The following PRR16 variants were observed in gnomAD, a reference collection of about 807,000 sequenced individuals.
PRR16 encodes the protein proline rich 16.
In PRR16, 6 loss-of-function variants were observed where a neutral mutation model predicts 18.2. The ratio of observed to expected loss-of-function variants is 0.33; its 90% CI spans 0.18 to 0.65. The LOEUF (loss-of-function observed/expected upper bound fraction) is 0.65, where lower values mean the gene tolerates loss of function less well. PRR16 is among the 30% of genes least tolerant of loss of function. The probability of loss-of-function intolerance (pLI) is 0.74; values close to 1 mark genes in which losing one functional copy is unlikely to be tolerated. For synonymous variants in PRR16, 151 were observed against 147.8 expected (o/e 1.02, Z -0.16); for missense variants, 412 against 376.6 (o/e 1.09, Z -0.78).
chr5:120,781,005 G>A, the PRR16 span, among the ~76,000 whole-genome samples: 1,958 of 152,222 alleles, frequency 0.013, 41 homozygotes, highest in African/African-American at 0.043. Context: ...AGCCGAGATC[G>A]CGCCACTGCC....
intron 1 of PRR16, among the ~76,000 whole-genome samples, chr5:120,493,353 C>A (rs74721707): frequency 0.017 from 2,608 of 152,102 alleles, 78 homozygotes; most frequent in African/African-American, 0.059. Context: ...TATTTGTAAT[C>A]TTTTTTTGAG....
chr5:120,663,510 A>G (rs1477556916), intron 1 of PRR16, among the ~76,000 whole-genome samples: 2 of 152,312 alleles, frequency 1.3e-5, no homozygotes, highest in East Asian at 3.9e-4. Flanking sequence ...CACACCGTCT[A>G]CTTTAATTAT....
At chr5:120,750,335 A>G in the PRR16 span, among the ~76,000 whole-genome samples, 2 of 152,136 alleles carry the variant, frequency 1.3e-5, no homozygotes, top group African/African-American at 4.8e-5. Context: ...TACCCCGTCA[A>G]CATATTGGAT....
chr5:120,464,328 C>T lies in PRR16; in HGVS notation c.-159C>T. On this transcript the variant is annotated 5_prime_UTR_variant, in exon 1 of 2. Transcript: ENST00000407149. ...TGATGGCAGCACCACTGTGCGGCCGCCCGGCCGAGCGCGGAGCGCAGCCAC... is the reference window on the plus strand; with the variant it reads ...TGATGGCAGCACCACTGTGCGGCCGTCCGGCCGAGCGCGGAGCGCAGCCAC... The T allele has an allele frequency of 1.4e-6, 1 of 732,304 alleles. No homozygotes were observed. 45.4% of individuals were successfully genotyped at this position (732,304 alleles called of 1,614,324 possible). A position where few individuals can be genotyped will look rare whatever the true frequency, so the allele number is the denominator to read the frequency against.
At chr5:120,662,782 A>G (rs1274140295) in intron 1 of PRR16, among the ~76,000 whole-genome samples, 1 of 152,156 alleles carries the variant, frequency 6.6e-6, no homozygotes, top group Non-Finnish European at 1.5e-5. Context: ...GGCAAGGCCC[A>G]GCACGAAGGT....
chr5:120,746,980 A>G, the PRR16 span, among the ~76,000 whole-genome samples: 2 of 152,198 alleles, frequency 1.3e-5, no homozygotes, highest in Non-Finnish European at 2.9e-5. Context: ...TTTCAATTTA[A>G]GTGAAAAAAT....
At chr5:120,505,666 CAG>C (rs1296189569) in intron 1 of PRR16, among the ~76,000 whole-genome samples, 2 of 152,060 alleles carry the variant, frequency 1.3e-5, no homozygotes, top group African/African-American at 4.8e-5. Context: ...TATTTTATAA[CAG>C]ATTGCTGCAG....
chr5:120,627,228 C>T (rs1459038688), intron 1 of PRR16, among the ~76,000 whole-genome samples: 3 of 152,100 alleles, frequency 2.0e-5, no homozygotes, highest in East Asian at 1.9e-4. Context: ...ATTAAATGGC[C>T]GAGATGTGGC....
Position 120,511,190 on chromosome 5 carries a change from A to G in PRR16, c.159+46545A>G, listed in dbSNP as rs1005992766. Among the ~76,000 whole-genome samples, 5 of 152,302 alleles carry G rather than the reference A, an allele frequency of 3.3e-5. No individual in the cohort carries two copies. In the East Asian group the frequency reaches 9.6e-4, roughly 29 times the overall value. On this transcript the variant is annotated intron_variant, in intron 1 of 1. Coordinates refer to ENST00000407149, the MANE Select transcript of PRR16 (RefSeq NM_001300783.2). ...TAAAGCCTGGAGGAACTAGAATATA[A>G]TTAAAAGCCTGTACAGGTTGCATGG... is the stretch of plus-strand genomic sequence containing the variant.
At chr5:120,556,948 GA>G (rs75615628) in intron 1 of PRR16, among the ~76,000 whole-genome samples, 2,504 of 139,840 alleles carry the variant, frequency 0.018, 39 homozygotes, top group East Asian at 0.047. Flanking sequence ...ACTGCTACAT[GA>G]AAAAAAAAAA....
At chr5:120,474,825 G>T (rs1381204664) in intron 1 of PRR16, among the ~76,000 whole-genome samples, 2 of 152,138 alleles carry the variant, frequency 1.3e-5, no homozygotes, top group African/African-American at 4.8e-5. Flanking sequence ...AACTCAGAAA[G>T]AATGAAGGGA....
intron 1 of PRR16, among the ~76,000 whole-genome samples, chr5:120,612,460 G>A (rs1374549868): frequency 6.6e-6 from 1 of 152,108 alleles, no homozygotes; most frequent in Non-Finnish European, 1.5e-5. Flanking sequence ...GAGGGACAGG[G>A]GAAGGTAATT....
chr5:120,535,796 C>A (rs1194112417), intron 1 of PRR16, among the ~76,000 whole-genome samples: 1 of 150,236 alleles, frequency 6.7e-6, no homozygotes, highest in Non-Finnish European at 1.5e-5. Context: ...GAGATCCTGT[C>A]AAAAAACAAA....
chr5:120,559,389 C>T (rs569837337), intron 1 of PRR16, among the ~76,000 whole-genome samples: 2 of 151,592 alleles, frequency 1.3e-5, no homozygotes, highest in Non-Finnish European at 3.0e-5. Flanking sequence ...CTCAGTACCA[C>T]TTATTGAAGA....
chr5:120,469,026 G>A (rs916227763), intron 1 of PRR16, among the ~76,000 whole-genome samples: 2 of 152,138 alleles, frequency 1.3e-5, no homozygotes, highest in Admixed American at 1.3e-4. Context: ...CAGCATTGTT[G>A]CCATGGACTG....
chr5:120,638,647 G>A (rs939255001), intron 1 of PRR16, among the ~76,000 whole-genome samples: 2 of 152,090 alleles, frequency 1.3e-5, no homozygotes, highest in African/African-American at 4.8e-5. Context: ...GTCTAGCTGT[G>A]AGCTACAGCT....
At chr5:120,784,414 T>G in the PRR16 span, among the ~76,000 whole-genome samples, 1 of 152,214 alleles carries the variant, frequency 6.6e-6, no homozygotes, top group Non-Finnish European at 1.5e-5. Flanking sequence ...TGGAGTGAAA[T>G]GATATCTCAT....
At chr5:120,726,849 C>T in the PRR16 span, among the ~76,000 whole-genome samples, 1 of 152,060 alleles carries the variant, frequency 6.6e-6, no homozygotes, top group Non-Finnish European at 1.5e-5. Context: ...GTTTGAGTAT[C>T]TCCATGGCAA....
At chr5:120,505,401 C>A (rs1348767778) in intron 1 of PRR16, among the ~76,000 whole-genome samples, 1 of 151,182 alleles carries the variant, frequency 6.6e-6, no homozygotes, top group Non-Finnish European at 1.5e-5. Context: ...GTGGCTGTTG[C>A]CTCCTGCTTG....
Sources: gnomAD v4.1 joint callset for allele counts (sites outside exome capture counted in the v4.1 genomes callset) on GRCh38, gnomAD v4.1.1 for gene constraint, MANE v1.5 for transcripts, NCBI Gene and HGNC (gene_info 2026-07-23, HGNC 2026-07-21) for gene names.